The following ABCC8 variants were observed in gnomAD, a reference collection of about 807,000 sequenced individuals.
ABCC8 encodes ATP binding cassette subfamily C member 8.
Under a neutral mutation model 188.0 loss-of-function variants are expected in ABCC8, and 137 were observed. The observed-to-expected ratio is 0.73, with a 90% CI of 0.63 to 0.84. ABCC8 has a LOEUF of 0.84. ABCC8 is among the 40% of genes least tolerant of loss of function. ABCC8 has a pLI of 0.00. For missense variants in ABCC8, 1,750 were observed against 2,072.7 expected (o/e 0.84, Z 3.02); for synonymous variants, 797 against 846.5 (o/e 0.94, Z 1.01).
chr11:17,440,184 C>G (rs74356554), intron 10 of ABCC8, among the ~76,000 whole-genome samples: 3 of 152,146 alleles, frequency 2.0e-5, no homozygotes, highest in African/African-American at 7.2e-5. Context: ...CCTTCCCTCT[C>G]TCTATCTCAG....
intron 22 of ABCC8, 200 bp downstream of exon 22, chr11:17,410,316 G>T: frequency 1.7e-6 from 1 of 599,812 alleles, no homozygotes; most frequent in East Asian, 2.8e-5. Context: ...GAGTGTCTGT[G>T]GGTCTAGGTG....
intron 3 of ABCC8, among the ~76,000 whole-genome samples, chr11:17,465,142 T>G (rs1848071751): frequency 6.6e-6 from 1 of 152,188 alleles, no homozygotes; most frequent in Non-Finnish European, 1.5e-5. Context: ...GCCTCAGGAC[T>G]GGAATAATGT....
rs1591715986 is a variant in ABCC8, at chr11:17,397,442, G to A, written c.3868-129C>T. The stretch of plus-strand genomic sequence containing the variant: ...TTCCTTTTGCTGCCATCCACTGCCT[G>A]CTCAGAGCAGCCCTCCCTGGAGGCA... On this transcript the variant is annotated intron_variant, in intron 31 of 38. Coordinates refer to ENST00000389817, the MANE Select transcript of ABCC8 (RefSeq NM_000352.6). The A allele has an allele frequency of 3.9e-6, 6 of 1,531,950 alleles. No individual in the cohort carries two copies. The East Asian group carries it at 1.4e-4, about 37-fold the overall frequency. 94.9% of individuals were successfully genotyped at this position (1,531,950 alleles called of 1,614,324 possible).
chr11:17,412,494 G>A (rs991074496), intron 21 of ABCC8, among the ~76,000 whole-genome samples, 172 bp downstream of exon 21: 1 of 152,138 alleles, frequency 6.6e-6, no homozygotes. Flanking sequence ...TGCTATCCTT[G>A]CCTGCCTCAG....
intron 16 of ABCC8, chr11:17,417,167 T>G (rs1955120911): frequency 2.9e-6 from 2 of 693,030 alleles, no homozygotes; most frequent in Non-Finnish European, 3.6e-6. Flanking sequence ...ACCCTCCAAA[T>G]AGCATGTGCT....
intron 21 of ABCC8, among the ~76,000 whole-genome samples, chr11:17,412,047 C>T (rs964406532): frequency 5.3e-5 from 8 of 151,986 alleles, no homozygotes; most frequent in African/African-American, 1.5e-4. Flanking sequence ...CGCCCGCCAC[C>T]GCACCCAGCT....
rs1847959301 is a variant in ABCC8, at chr11:17,463,558, C to T, written c.459G>A (p.Lys153=). Residue 153 remains lysine (K), a synonymous_variant, in exon 4 of 39, where the codon AAG becomes AAA. Transcript: ENST00000389817. ...TGGCGTGGTCCAAGAACTTGACAAA[C>T]TTGATGGTCTTGGTGATGAAGGCCA... ...WTLAFITKTI[K]FVKFLDHAIG... is the part of the protein sequence containing the mutation. 6.3e-7 allele frequency: 1 copy of T among 1,593,042 alleles called. No homozygotes were observed. Among genetic ancestry groups the T allele is most frequent in the Admixed American group, 1.8e-5 (1 of 56,696 alleles).
Position 17,443,161 on chromosome 11 carries a change from C to T in ABCC8, c.1467+17G>A. On this transcript the variant is annotated intron_variant, in intron 9 of 38. Coordinates refer to ENST00000389817, the MANE Select transcript of ABCC8 (RefSeq NM_000352.6). ...GAGGGGAAGAGGGACAAAACACACA[C>T]ACCTTTGGGCACTCACCAGTGTGCT... 1 of 1,613,978 alleles carries T rather than the reference C, an allele frequency of 6.2e-7. No individual in the cohort carries two copies. The highest frequency in any genetic ancestry group is 8.5e-7 in the Non-Finnish European group (1 of 1,179,932).
At chr11:17,392,692 A>G (rs1225101374), downstream of ABCC8, 3 of 436,706 alleles carry the variant, frequency 6.9e-6, no homozygotes, top group Non-Finnish European at 1.3e-5. Flanking sequence ...ACTGTGAGAA[A>G]AAAGTCTGTT....
At chr11:17,429,537 C>T (rs1955750373) in intron 12 of ABCC8, 1 of 152,228 alleles carries the variant, frequency 6.6e-6, no homozygotes, top group Non-Finnish European at 1.5e-5. Context: ...GTGTCCTGCG[C>T]CCACCTTCAG....
Position 17,406,528 on chromosome 11 carries a change from C to T in ABCC8, c.3329+94G>A, listed in dbSNP as rs369109993. ...TTGAGTCACCCCCACAAGCTTGTGA[C>T]AGGTTGTATATCCCCATTTTATAGA... On this transcript the variant is annotated intron_variant, in intron 26 of 38. Coordinates refer to ENST00000389817, the MANE Select transcript of ABCC8 (RefSeq NM_000352.6). 8.3e-6 allele frequency: 11 copies of T among 1,323,848 alleles called. No individual in the cohort carries two copies. The African/African-American group carries it at 1.5e-4, about 18-fold the overall frequency. The allele number at this position is 1,323,848 out of a possible 1,614,324, so 82.0% of individuals were successfully genotyped here.
intron 2 of ABCC8, among the ~76,000 whole-genome samples, chr11:17,474,614 G>C (rs1406942574): frequency 1.3e-5 from 2 of 151,772 alleles, no homozygotes; most frequent in Non-Finnish European, 2.9e-5. Context: ...CACTGGAGTT[G>C]TGGCATTCTA....
Position 17,401,466 on chromosome 11 carries a change from A to T in ABCC8, c.3650+1195T>A, listed in dbSNP as rs566200142. Among the ~76,000 whole-genome samples the T allele has an allele frequency of 4.6e-5, 7 of 152,262 alleles. No homozygotes were observed. In the South Asian group the frequency reaches 8.3e-4, roughly 18 times the overall value. Reference sequence around the variant, plus strand: ...TGGCCCTAGGTGCTCCAGGGTGGGCAGAGGGGCCTGGATACCTCTCCAGGG... The same window carrying T: ...TGGCCCTAGGTGCTCCAGGGTGGGCTGAGGGGCCTGGATACCTCTCCAGGG... On this transcript the variant is annotated intron_variant, in intron 29 of 38. Coordinates refer to ENST00000389817, the MANE Select transcript of ABCC8 (RefSeq NM_000352.6).
intron 3 of ABCC8, among the ~76,000 whole-genome samples, chr11:17,468,854 A>G (rs1202332155): frequency 6.6e-6 from 1 of 152,166 alleles, no homozygotes; most frequent in African/African-American, 2.4e-5. Context: ...GCCCCATGGC[A>G]CATGCTCAGT....
At position 17,393,177 on chromosome 11, in the gene ABCC8, C is replaced by T. The variant is rs200744808; in HGVS notation, c.4609-49G>A. 145 of 1,608,196 alleles carry T rather than the reference C, an allele frequency of 9.0e-5. No homozygotes were observed. The African/African-American group carries it at 1.4e-3, about 15-fold the overall frequency. ...GTCAGGATGGTGGGAATACCACCCG[C>T]GGTGGGGGCCACAGCTGAGGGTGGC... On this transcript the variant is annotated intron_variant, in intron 38 of 38. Coordinates refer to ENST00000389817, the MANE Select transcript of ABCC8 (RefSeq NM_000352.6).
At chr11:17,462,529 C>G (rs1459470281) in intron 4 of ABCC8, among the ~76,000 whole-genome samples, 1 of 152,140 alleles carries the variant, frequency 6.6e-6, no homozygotes, top group African/African-American at 2.4e-5. Flanking sequence ...ACCCTTTGAC[C>G]CAGCAACGCC....
intron 7 of ABCC8, among the ~76,000 whole-genome samples, chr11:17,450,316 TTC>T (rs1403322916): frequency 1.7e-5 from 2 of 116,190 alleles, no homozygotes; most frequent in African/African-American, 7.3e-5. Flanking sequence ...CTTTCTTTCT[TTC>T]TTTCTTTCTC....
intron 8 of ABCC8, 23 bp downstream of exon 8, chr11:17,448,493 C>T: frequency 1.9e-6 from 3 of 1,609,980 alleles, no homozygotes; most frequent in Non-Finnish European, 1.7e-6. Flanking sequence ...GCCCCCCTCC[C>T]TTCCCCTCAG....
intron 28 of ABCC8, chr11:17,402,954 C>T (rs909020936): frequency 1.1e-4 from 19 of 180,718 alleles, no homozygotes; most frequent in Non-Finnish European, 1.9e-4. Context: ...CGTTTATGTA[C>T]AATGCTTAGA....
Sources: gnomAD v4.1 joint callset for allele counts (sites outside exome capture counted in the v4.1 genomes callset) on GRCh38, gnomAD v4.1.1 for gene constraint, MANE v1.5 for transcripts, NCBI Gene and HGNC (gene_info 2026-07-23, HGNC 2026-07-21) for gene names.